The following INPP4B variants were observed in gnomAD, a reference collection of about 807,000 sequenced individuals.
INPP4B encodes the protein inositol polyphosphate-4-phosphatase type II B.
A neutral mutation model predicts 122.5 loss-of-function variants in INPP4B; 55 were observed. The ratio of observed to expected loss-of-function variants is 0.45; its 90% confidence interval spans 0.36 to 0.56. The LOEUF is 0.56. INPP4B is among the 20% of genes least tolerant of loss of function. INPP4B has a pLI of 0.00. For synonymous variants in INPP4B, 403 were observed against 388.7 expected (o/e 1.04, Z -0.43); for missense variants, 1,000 against 1,097.7 (o/e 0.91, Z 1.26).
In INPP4B at chr4:142,122,168, C is replaced by T. The variant is rs1335094504; in HGVS notation, c.2095G>A (p.Ala699Thr). 1.2e-6 allele frequency: 2 copies of T among 1,612,068 alleles called. No individual in the cohort carries two copies. Among genetic ancestry groups the T allele is most frequent in the East Asian group, 2.2e-5 (1 of 44,760 alleles). ...ACTGGCAACACATCATTGGATTTGG[C>T]TTCAATTATTTTAAATGCAACTTTC... ...LKKVAFKIIE[A>T]KSNDVLPVIT... is the part of the protein sequence containing the mutation. The change falls in exon 21 of 26, where the codon GCC (alanine) becomes ACC (threonine). Residue 699 changes from alanine to threonine, a missense_variant. By Grantham distance (58) the Ala-to-Thr change is moderately conservative. Coordinates refer to ENST00000262992, the MANE Select transcript of INPP4B (RefSeq NM_001101669.3).
At chr4:142,380,970 C>T (rs1316475002) in intron 7 of INPP4B, among the ~76,000 whole-genome samples, 2 of 152,074 alleles carry the variant, frequency 1.3e-5, no homozygotes, top group Non-Finnish European at 2.9e-5. Flanking sequence ...CATTATATCA[C>T]CTCATGTGGA....
chr4:142,435,893 T>TG (rs1180930597), intron 3 of INPP4B, among the ~76,000 whole-genome samples: 1 of 152,008 alleles, frequency 6.6e-6, no homozygotes, highest in African/African-American at 2.4e-5. Flanking sequence ...GCCAGGTTTC[T>TG]GGGGGGAGGG....
chr4:142,657,174 A>G (rs751558337), intron 2 of INPP4B, among the ~76,000 whole-genome samples: 1 of 152,184 alleles, frequency 6.6e-6, no homozygotes, highest in Non-Finnish European at 1.5e-5. Flanking sequence ...TTTGGCCTAA[A>G]GAAAAACAAG....
In INPP4B at chr4:142,086,176, T is replaced by C. The variant is rs1258276387; in HGVS notation, c.2455A>G (p.Lys819Glu). 6.9e-6 allele frequency: 11 copies of C among 1,600,584 alleles called. No homozygotes were observed. The highest frequency in any genetic ancestry group is 9.4e-6 in the Non-Finnish European group (11 of 1,167,934). Residue 819 changes from lysine to glutamate, a missense_variant, in exon 24 of 26, where the codon AAG (lysine) becomes GAG (glutamate). Lys to Glu is a moderately conservative substitution (Grantham distance 56, BLOSUM62 1). Coordinates refer to ENST00000262992, the MANE Select transcript of INPP4B (RefSeq NM_001101669.3). ...GCCAGCCACATAATTTCTACATTCTTTCTTTTTTTGGATTGGATATTTTGA... is the reference window on the plus strand; with the variant it reads ...GCCAGCCACATAATTTCTACATTCTCTCTTTTTTTGGATTGGATATTTTGA... ...LLQNIQSKKR[K>E]NVEIMWLAAT... is the part of the protein sequence containing the mutation.
At chr4:142,758,124 T>C (rs1283040499) in intron 1 of INPP4B, among the ~76,000 whole-genome samples, 1 of 152,096 alleles carries the variant, frequency 6.6e-6, no homozygotes, top group Non-Finnish European at 1.5e-5. Flanking sequence ...TAAAAAGATA[T>C]TTAAAAATTG....
At chr4:142,334,702 G>A (rs1297324707) in intron 7 of INPP4B, among the ~76,000 whole-genome samples, 1 of 152,148 alleles carries the variant, frequency 6.6e-6, no homozygotes, top group Non-Finnish European at 1.5e-5. Flanking sequence ...CCTGTTGTCA[G>A]TGAAGCTAGG....
intron 7 of INPP4B, among the ~76,000 whole-genome samples, chr4:142,383,373 T>G (rs908582016): frequency 2.0e-5 from 3 of 152,162 alleles, no homozygotes; most frequent in African/African-American, 4.8e-5. Flanking sequence ...AATATTTCTA[T>G]TACAATACCC....
intron 2 of INPP4B, among the ~76,000 whole-genome samples, chr4:142,615,217 C>T (rs979195): frequency 0.65 from 98,138 of 152,020 alleles, 33,229 homozygotes; most frequent in East Asian, 0.81. Flanking sequence ...TGAGAAAGTG[C>T]ATCTGCAGAA....
intron 11 of INPP4B, among the ~76,000 whole-genome samples, chr4:142,256,503 T>A (rs1453920284): frequency 1.3e-5 from 2 of 151,798 alleles, no homozygotes; most frequent in Non-Finnish European, 2.9e-5. Context: ...ATAGATGCAA[T>A]AAAAAATGAC....
intron 2 of INPP4B, among the ~76,000 whole-genome samples, chr4:142,467,449 T>A (rs1392728769): frequency 2.0e-5 from 3 of 152,220 alleles, no homozygotes; most frequent in African/African-American, 7.2e-5. Flanking sequence ...CCCCCCTTTT[T>A]GGCCAATTTT....
chr4:142,784,364 AAAATAAATAAAT>A (rs3080884), intron 1 of INPP4B, among the ~76,000 whole-genome samples: 1,966 of 137,764 alleles, frequency 0.014, 40 homozygotes, highest in African/African-American at 0.044. Context: ...CTCTGTCTCA[AAAATAAATAAAT>A]AAATAAATAA....
chr4:142,705,448 T>C (rs1762351620), intron 2 of INPP4B, among the ~76,000 whole-genome samples: 1 of 121,094 alleles, frequency 8.3e-6, no homozygotes, highest in African/African-American at 3.4e-5. Context: ...CTCTACCCAT[T>C]CCCACCCCAA....
intron 1 of INPP4B, among the ~76,000 whole-genome samples, chr4:142,730,096 C>A (rs893054290): frequency 4.6e-5 from 7 of 152,128 alleles, no homozygotes; most frequent in African/African-American, 1.7e-4. Flanking sequence ...ATTTCGAGTA[C>A]ACCTTCAGTT....
chr4:142,055,057 T>C (rs926533125), intron 25 of INPP4B, among the ~76,000 whole-genome samples: 13 of 152,212 alleles, frequency 8.5e-5, no homozygotes, highest in African/African-American at 3.1e-4. Context: ...ACTTACTTAC[T>C]AGTTTGAAAC....
chr4:142,112,803 A>G (rs950632596), intron 21 of INPP4B, 121 bp from the exon 22 acceptor site: 18 of 775,340 alleles, frequency 2.3e-5, no homozygotes, highest in Non-Finnish European at 3.6e-5. Flanking sequence ...TTCTGTTGCT[A>G]TATGCTTATA....
intron 11 of INPP4B, among the ~76,000 whole-genome samples, chr4:142,239,615 A>T (rs1170473853): frequency 6.6e-6 from 1 of 152,176 alleles, no homozygotes; most frequent in Non-Finnish European, 1.5e-5. Context: ...AAGATATAAG[A>T]ATTTGATTAC....
At chr4:142,538,576 G>T (rs769673953) in intron 2 of INPP4B, among the ~76,000 whole-genome samples, 17 of 151,982 alleles carry the variant, frequency 1.1e-4, no homozygotes, top group Non-Finnish European at 2.4e-4. Flanking sequence ...TACCTTCGTT[G>T]TCTATGCCAG....
chr4:142,444,945 A>G (rs1487692887), intron 3 of INPP4B, among the ~76,000 whole-genome samples: 1 of 152,180 alleles, frequency 6.6e-6, no homozygotes, highest in Non-Finnish European at 1.5e-5. Flanking sequence ...GTTCTCACTC[A>G]TAAGTGGGAG....
At chr4:142,686,995 T>C (rs933729186) in intron 2 of INPP4B, among the ~76,000 whole-genome samples, 4 of 152,028 alleles carry the variant, frequency 2.6e-5, no homozygotes, top group African/African-American at 7.2e-5. Flanking sequence ...TTTTGGTATA[T>C]GGGAAACAGT....
Sources: allele counts gnomAD v4.1 joint callset (sites outside exome capture counted in the v4.1 genomes callset), GRCh38; gene constraint gnomAD v4.1.1; transcripts MANE v1.5; gene names NCBI Gene and HGNC (gene_info 2026-07-23, HGNC 2026-07-21).